The following CDR2 variants were observed in gnomAD, a reference collection of about 807,000 sequenced individuals.
CDR2 encodes cerebellar degeneration-related protein 2.
A neutral mutation model predicts 48.4 loss-of-function variants in CDR2; 34 were observed. The ratio of observed to expected loss-of-function variants is 0.70; its 90% CI spans 0.53 to 0.94. The LOEUF (loss-of-function observed/expected upper bound fraction) is 0.94. Among genes scored for constraint, CDR2 ranks in the 40% least tolerant of loss-of-function variants. CDR2 has a pLI of 0.00. For missense variants in CDR2, 498 were observed against 549.5 expected (o/e 0.91, Z 0.94); for synonymous variants, 240 against 219.7 (o/e 1.09, Z -0.82).
chr16:22,367,503 A>G (rs1178698948), intron 1 of CDR2, among the ~76,000 whole-genome samples: 1 of 152,202 alleles, frequency 6.6e-6, no homozygotes, highest in East Asian at 1.9e-4. Context: ...CATGGTAGGT[A>G]AAGTTTAAAT....
At chr16:22,372,964 TGA>T (rs1188543772) in intron 1 of CDR2, among the ~76,000 whole-genome samples, 3 of 152,222 alleles carry the variant, frequency 2.0e-5, no homozygotes, top group Non-Finnish European at 4.4e-5. Context: ...AGATTAGAGC[TGA>T]GAGCATTTAC....
chr16:22,347,289 G>C lies in CDR2; in HGVS notation c.1041C>G (p.His347Gln). ...GGGCGCTGTACTGCGTGTCCACTTC[G>C]TGCAGAAGGGAGATGCCCCTCTGTT... ...AVKQRGISLL[H>Q]EVDTQYSALK... is the part of the protein sequence containing the mutation. The change falls in exon 5 of 5, where the codon CAC becomes CAG. Residue 347 changes from histidine (H) to glutamine (Q), a missense_variant. Coordinates refer to ENST00000268383, the MANE Select transcript of CDR2 (RefSeq NM_001802.2). 4 of 1,614,210 alleles carry C rather than the reference G, an allele frequency of 2.5e-6. No homozygotes were observed. The highest frequency in any genetic ancestry group is 3.4e-6 in the Non-Finnish European group (4 of 1,180,026).
intron 1 of CDR2, among the ~76,000 whole-genome samples, chr16:22,373,226 C>T (rs989090772): frequency 6.6e-6 from 1 of 152,220 alleles, no homozygotes; most frequent in Non-Finnish European, 1.5e-5. Context: ...AGGGGCCCCA[C>T]TGGCCCCAAA....
chr16:22,350,134 A>G (rs1442689044), intron 2 of CDR2, among the ~76,000 whole-genome samples: 1 of 151,998 alleles, frequency 6.6e-6, no homozygotes, highest in Admixed American at 6.6e-5. Context: ...GGTTGCAATG[A>G]GCCGAGATGG....
At chr16:22,368,467 C>T (rs186898826) in intron 1 of CDR2, among the ~76,000 whole-genome samples, 12 of 152,340 alleles carry the variant, frequency 7.9e-5, no homozygotes, top group Admixed American at 5.9e-4. Context: ...ACCGCGGCCT[C>T]CCCAAGTGCT....
chr16:22,362,051 G>A (rs1015338145), intron 2 of CDR2, among the ~76,000 whole-genome samples: 3 of 152,028 alleles, frequency 2.0e-5, no homozygotes, highest in South Asian at 2.1e-4. Flanking sequence ...ACAGGCGCCC[G>A]CCACCACGCC....
chr16:22,371,393 T>A (rs567271615), intron 1 of CDR2, among the ~76,000 whole-genome samples: 4 of 152,278 alleles, frequency 2.6e-5, no homozygotes, highest in African/African-American at 9.6e-5. Context: ...ACTGAGGGCC[T>A]ACAATGTACG....
At chr16:22,369,436 CAGAA>C (rs1156707293) in intron 1 of CDR2, among the ~76,000 whole-genome samples, 6 of 152,154 alleles carry the variant, frequency 3.9e-5, no homozygotes, top group African/African-American at 4.8e-5. Flanking sequence ...CCTGCTCCTG[CAGAA>C]AGAGATACCA....
chr16:22,367,545 G>C (rs1401365076), intron 1 of CDR2, among the ~76,000 whole-genome samples: 1 of 152,142 alleles, frequency 6.6e-6, no homozygotes, highest in Non-Finnish European at 1.5e-5. Context: ...AGTAGCCTCA[G>C]TTATTGTCAT....
In CDR2 at chr16:22,374,327, G is replaced by A. The variant is rs779419652; in HGVS notation, c.-18C>T. On this transcript the variant is annotated 5_prime_UTR_variant, in exon 1 of 5. Coordinates refer to ENST00000268383, the MANE Select transcript of CDR2 (RefSeq NM_001802.2). The stretch of plus-strand genomic sequence containing the variant: ...GCCAGCATCTCGGCTGGGTCTTCTA[G>A]GGGCAGCGGCCCCCGCCGCCGTCCC... 1.3e-6 allele frequency: 2 copies of A among 1,569,046 alleles called. No homozygotes were observed. Among genetic ancestry groups the A allele is most frequent in the Non-Finnish European group, 1.7e-6 (2 of 1,153,352 alleles).
intron 2 of CDR2, among the ~76,000 whole-genome samples, chr16:22,351,174 C>T (rs1355948353): frequency 1.3e-5 from 2 of 152,118 alleles, no homozygotes; most frequent in Non-Finnish European, 2.9e-5. Flanking sequence ...CATCCATGTC[C>T]CTGCAAAGGA....
Position 22,347,688 on chromosome 16 carries a change from C to T in CDR2, c.642G>A (p.Gln214=). 1.2e-6 allele frequency: 2 copies of T among 1,614,150 alleles called. No homozygotes were observed. The highest frequency in any genetic ancestry group is 1.7e-6 in the Non-Finnish European group (2 of 1,180,044). ...MLQAQLSLER[Q]KRVTMEEEYG... ...ATTCCTCCTCCATAGTCACCCGCTT[C>T]TGCCGCTCCAGGCTCAGCTGGGCCT... The change falls in exon 5 of 5, where the codon CAG becomes CAA. Residue 214 remains glutamine (Q), a synonymous_variant. Transcript: ENST00000268383.
intron 2 of CDR2, among the ~76,000 whole-genome samples, chr16:22,356,738 A>C (rs1378995121): frequency 6.6e-6 from 1 of 152,026 alleles, no homozygotes; most frequent in East Asian, 1.9e-4. Flanking sequence ...GGGGGACAAG[A>C]GCAAGACTTT....
Position 22,364,957 on chromosome 16 carries a change from T to C in CDR2, c.137A>G (p.Glu46Gly). 6.2e-7 allele frequency: 1 copy of C among 1,613,514 alleles called. No individual in the cohort carries two copies. Among genetic ancestry groups the C allele is most frequent in the East Asian group, 2.2e-5 (1 of 44,878 alleles). ...KTLLDRNTEL[E>G]DSVQQMYTTN... Reference sequence around the variant, plus strand: ...TGTATACATCTGCTGAACAGAGTCCTCCAACTCTGTGTTCCGATCCAGTAA... The same window carrying C: ...TGTATACATCTGCTGAACAGAGTCCCCCAACTCTGTGTTCCGATCCAGTAA... Residue 46 changes from glutamate (E) to glycine (G), a missense_variant, in exon 2 of 5, where the codon GAG becomes GGG. Transcript: ENST00000268383.
intron 1 of CDR2, among the ~76,000 whole-genome samples, chr16:22,373,255 T>C (rs1184819718): frequency 1.3e-5 from 2 of 152,186 alleles, no homozygotes; most frequent in Non-Finnish European, 2.9e-5. Flanking sequence ...TACTCTACGA[T>C]TGTTCTCTGG....
rs1470167863 is a variant in CDR2 at position 22,374,362 on chromosome 16, G to A, written c.-53C>T. On this transcript the variant is annotated 5_prime_UTR_variant, in exon 1 of 5. Coordinates refer to ENST00000268383, the MANE Select transcript of CDR2 (RefSeq NM_001802.2). ...CCCCCGCCGCCGTCCCGCCTCAGCCGCTGCCCCGGGCTCTTCCCCGGCCCC... is the reference window on the plus strand; with the variant it reads ...CCCCCGCCGCCGTCCCGCCTCAGCCACTGCCCCGGGCTCTTCCCCGGCCCC... 1.2e-5 allele frequency: 15 copies of A among 1,303,090 alleles called. No individual in the cohort carries two copies. Among genetic ancestry groups the A allele is most frequent in the African/African-American group, 1.6e-5 (1 of 64,500 alleles). The allele number at this position is 1,303,090 out of a possible 1,614,324, so 80.7% of individuals were successfully genotyped here. A position where few individuals can be genotyped will look rare whatever the true frequency, so the allele number is the denominator to read the frequency against.
chr16:22,348,464 T>G (rs2048921545), intron 4 of CDR2, among the ~76,000 whole-genome samples: 1 of 152,220 alleles, frequency 6.6e-6, no homozygotes, highest in Admixed American at 6.5e-5. Context: ...CTAGTTGGTC[T>G]GCTACCTGGC....
intron 1 of CDR2, among the ~76,000 whole-genome samples, chr16:22,371,166 G>A (rs888585002): frequency 3.3e-5 from 5 of 151,562 alleles, no homozygotes; most frequent in Non-Finnish European, 5.9e-5. Flanking sequence ...AGCCAAGAGC[G>A]TGCCACTGCA....
In CDR2 at chr16:22,374,220, C is replaced by G. The variant is rs866953876; in HGVS notation, c.79+11G>C. The G allele has an allele frequency of 6.3e-6, 10 of 1,580,520 alleles. No homozygotes were observed. In the Middle Eastern group the frequency reaches 8.4e-4, roughly 132 times the overall value. ...GGCCGCCGCCCGCCCGCGGGGCGCC[C>G]CCGCCCTCACCTTGCTGGAGGTCCT... On this transcript the variant is annotated intron_variant, in intron 1 of 4. Coordinates refer to ENST00000268383, the MANE Select transcript of CDR2 (RefSeq NM_001802.2).
Sources: gnomAD v4.1 joint callset for allele counts (sites outside exome capture counted in the v4.1 genomes callset) on GRCh38, gnomAD v4.1.1 for gene constraint, MANE v1.5 for transcripts, NCBI Gene and HGNC (gene_info 2026-07-23, HGNC 2026-07-21) for gene names.